Variants in PMFBP1 observed in about 807,000 individuals in gnomAD.
PMFBP1 encodes the protein polyamine modulated factor 1 binding protein 1, also known as polyamine-modulated factor 1-binding protein 1.
A neutral mutation model predicts 137.8 loss-of-function variants in PMFBP1; 131 were observed. That is an observed-to-expected ratio of 0.95 (90% CI 0.82 to 1.10). The LOEUF (loss-of-function observed/expected upper bound fraction) is 1.10, where lower values mean the gene tolerates loss of function less well. Ranked by LOEUF, PMFBP1 falls within the 50% of genes least tolerant of loss-of-function variation. PMFBP1 has a pLI of 0.00. For missense variants in PMFBP1, 1,199 were observed against 1,175.4 expected (o/e 1.02, Z -0.29); for synonymous variants, 490 against 450.4 (o/e 1.09, Z -1.11).
At chr16:72,181,650 A>G (rs759921388), upstream of PMFBP1, among the ~76,000 whole-genome samples, 92 of 152,354 alleles carry the variant, frequency 6.0e-4, no homozygotes, top group African/African-American at 2.1e-3. Context: ...ATTCTTATCA[A>G]TGAGTATGGT....
chr16:72,206,661 G>A, the PMFBP1 span, among the ~76,000 whole-genome samples: 1 of 152,224 alleles, frequency 6.6e-6, no homozygotes, highest in African/African-American at 2.4e-5. Context: ...ATGTGATATA[G>A]CTGGGATTCA....
intron 12 of PMFBP1, 116 bp from the exon 13 acceptor site, chr16:72,129,349 G>T: frequency 8.4e-7 from 1 of 1,184,230 alleles, no homozygotes; most frequent in South Asian, 1.7e-5. Flanking sequence ...CAATTCCTTA[G>T]TTATATAGCA....
rs777263062 is a variant in PMFBP1 at position 72,130,708 on chromosome 16, G to A, written c.1462C>T (p.Gln488Ter). 3.1e-6 allele frequency: 5 copies of A among 1,611,876 alleles called. No individual in the cohort carries two copies. The South Asian group carries it at 5.5e-5, about 18-fold the overall frequency. Reference protein sequence around the residue: ...QERLAAQQAAQCKEEAALAGC... With the variant: ...QERLAAQQAA ...GCCAGTGCAGCCTCTTCTTTGCACTGGGCTGCTTGCTGAGCTGCAGAAGCA... is the reference window on the plus strand; with the variant it reads ...GCCAGTGCAGCCTCTTCTTTGCACTAGGCTGCTTGCTGAGCTGCAGAAGCA... The change falls in exon 11 of 21, where the codon CAG (glutamine) becomes TAG (stop). Residue 488 changes from glutamine (Q) to a stop codon, truncating the protein, a stop_gained. Transcript: ENST00000237353. LOFTEE classifies it high-confidence loss of function.
upstream of PMFBP1, among the ~76,000 whole-genome samples, chr16:72,179,047 A>G (rs2043267830): frequency 6.6e-6 from 1 of 152,076 alleles, no homozygotes; most frequent in African/African-American, 2.4e-5. Context: ...TTAAGAAAAG[A>G]TTTTCCAAAT....
downstream of PMFBP1, among the ~76,000 whole-genome samples, chr16:72,118,337 C>T (rs1339294927): frequency 1.3e-5 from 2 of 152,222 alleles, no homozygotes; most frequent in African/African-American, 2.4e-5. Flanking sequence ...AGATGCCTGT[C>T]ACTCCTAGCT....
upstream of PMFBP1, among the ~76,000 whole-genome samples, chr16:72,177,154 T>C (rs2043262030): frequency 6.6e-6 from 1 of 152,238 alleles, no homozygotes; most frequent in South Asian, 2.1e-4. Context: ...TTGACTGACA[T>C]GGAGAAAATT....
intron 19 of PMFBP1, among the ~76,000 whole-genome samples, chr16:72,120,541 C>T (rs747231065): frequency 3.0e-4 from 45 of 152,202 alleles, no homozygotes; most frequent in Non-Finnish European, 5.4e-4. Flanking sequence ...GCATTCTCTC[C>T]GCTCCCCTTT....
chr16:72,150,528 G>A (rs1388324421), intron 5 of PMFBP1, 80 bp downstream of exon 5: 5 of 1,383,188 alleles, frequency 3.6e-6, no homozygotes, highest in African/African-American at 1.4e-5. Context: ...GTTTCCAGTG[G>A]AGGAGGCTGG....
chr16:72,195,203 C>T, the PMFBP1 span, among the ~76,000 whole-genome samples: 1 of 152,162 alleles, frequency 6.6e-6, no homozygotes, highest in African/African-American at 2.4e-5. Flanking sequence ...GTTTTCTGGC[C>T]AGTGCAGGAC....
the PMFBP1 span, among the ~76,000 whole-genome samples, chr16:72,218,332 T>TA: frequency 2.0e-5 from 3 of 152,142 alleles, no homozygotes; most frequent in Admixed American, 2.0e-4. Flanking sequence ...TCTTAATACT[T>TA]AAACTTTTTT....
At chr16:72,135,091 C>T (rs2042603660) in intron 9 of PMFBP1, among the ~76,000 whole-genome samples, 1 of 152,154 alleles carries the variant, frequency 6.6e-6, no homozygotes, top group Non-Finnish European at 1.5e-5. Flanking sequence ...TCTCCAAATA[C>T]CTCTGTTTTG....
the PMFBP1 span, among the ~76,000 whole-genome samples, chr16:72,198,335 G>C: frequency 6.6e-6 from 1 of 152,180 alleles, no homozygotes; most frequent in Admixed American, 6.5e-5. Context: ...CCAGTGCTAA[G>C]GAACAAAATT....
At position 72,164,794 on chromosome 16, in the gene PMFBP1, G is replaced by A; in HGVS notation, c.135C>T (p.Leu45=). 2 of 1,604,530 alleles carry A rather than the reference G, an allele frequency of 1.2e-6. No individual in the cohort carries two copies. Among genetic ancestry groups the A allele is most frequent in the Non-Finnish European group, 1.7e-6 (2 of 1,172,136 alleles). Reference sequence around the variant, plus strand: ...TGCTGTTCATTGCCTCCTCCATGCAGAGCTGATTGTCCTGCAAGGTCTTCC... The same window carrying A: ...TGCTGTTCATTGCCTCCTCCATGCAAAGCTGATTGTCCTGCAAGGTCTTCC... ...RQRKTLQDNQ[L]CMEEAMNSSH... Residue 45 remains leucine (L), a synonymous_variant, in exon 3 of 21, where the codon CTC becomes CTT. Transcript: ENST00000237353.
upstream of PMFBP1, among the ~76,000 whole-genome samples, chr16:72,181,227 G>C (rs1355834047): frequency 6.8e-6 from 1 of 148,128 alleles, no homozygotes; most frequent in Non-Finnish European, 1.5e-5. Context: ...GACAGAGCAA[G>C]ACTTCATCTC....
At chr16:72,151,228 C>G (rs1253611817) in intron 4 of PMFBP1, among the ~76,000 whole-genome samples, 1 of 152,196 alleles carries the variant, frequency 6.6e-6, no homozygotes, top group Non-Finnish European at 1.5e-5. Context: ...CAGACTTCCT[C>G]CTGCACACAG....
chr16:72,176,997 T>A (rs1260588322), upstream of PMFBP1: 1 of 152,256 alleles, frequency 6.6e-6, no homozygotes, highest in East Asian at 1.9e-4. Flanking sequence ...TCTCCTTCTC[T>A]ATTTGCTGTA....
rs1567622654 is a variant in PMFBP1, at chr16:72,129,097, A to C, written c.1919T>G (p.Leu640Trp). The C allele has an allele frequency of 6.2e-7, 1 of 1,613,902 alleles. No individual in the cohort carries two copies. The highest frequency in any genetic ancestry group is 2.2e-5 in the East Asian group (1 of 44,882). The change falls in exon 13 of 21, where the codon TTG (leucine) becomes TGG (tryptophan). Residue 640 changes from leucine (L) to tryptophan (W), a missense_variant. By Grantham distance (61) the Leu-to-Trp change is moderately conservative. Transcript: ENST00000237353. ...GTCTTTCTTTTTAAATTCCTGCCGCAAAGCTTCAAGTTCTCCCTCCATCAG... is the reference window on the plus strand; with the variant it reads ...GTCTTTCTTTTTAAATTCCTGCCGCCAAGCTTCAAGTTCTCCCTCCATCAG... Reference protein sequence around the residue: ...EKLMEGELEALRQEFKKKDKT... With the variant: ...EKLMEGELEAWRQEFKKKDKT...
the PMFBP1 span, among the ~76,000 whole-genome samples, chr16:72,203,621 G>A: frequency 6.6e-6 from 1 of 152,088 alleles, no homozygotes; most frequent in Non-Finnish European, 1.5e-5. Flanking sequence ...TGGCAAGTAC[G>A]GATGGTGGCC....
At position 72,125,425 on chromosome 16, in the gene PMFBP1, G is replaced by C. The variant is rs1040397053; in HGVS notation, c.2254-20C>G. On this transcript the variant is annotated intron_variant, in intron 15 of 20. Coordinates refer to ENST00000237353, the MANE Select transcript of PMFBP1 (RefSeq NM_031293.3). ...ATTGAGCTTCCGGAAAAGACAAAGA[G>C]GACGAATGGCTGTCAGAGACTTTGA... The C allele has an allele frequency of 3.7e-6, 6 of 1,605,724 alleles. No individual in the cohort carries two copies. Among genetic ancestry groups the C allele is most frequent in the Non-Finnish European group, 5.1e-6 (6 of 1,177,300 alleles).
Sources: gnomAD v4.1 joint callset for allele counts (sites outside exome capture counted in the v4.1 genomes callset) on GRCh38, gnomAD v4.1.1 for gene constraint, MANE v1.5 for transcripts, NCBI Gene and HGNC (gene_info 2026-07-23, HGNC 2026-07-21) for gene names.